The following GABBR2 variants were observed in gnomAD, a reference collection of about 807,000 sequenced individuals.
GABBR2 encodes the protein G-protein coupled receptor 51.
A neutral mutation model predicts 105.6 loss-of-function variants in GABBR2; 23 were observed. The observed-to-expected ratio is 0.22, with a 90% CI of 0.16 to 0.31. The LOEUF (loss-of-function observed/expected upper bound fraction) is 0.31, where lower values mean the gene tolerates loss of function less well. GABBR2 is among the 10% of genes least tolerant of loss of function. GABBR2 has a pLI of 1.00. For synonymous variants in GABBR2, 478 were observed against 499.7 expected, an observed-to-expected ratio of 0.96 and a Z score of 0.58; for missense variants, 734 against 1,245.5, an observed-to-expected ratio of 0.59 and a Z score of 6.18.
At chr9:98,408,886 C>T (rs1312656759) in intron 7 of GABBR2, among the ~76,000 whole-genome samples, 1 of 152,212 alleles carries the variant, frequency 6.6e-6, no homozygotes, top group Non-Finnish European at 1.5e-5. Flanking sequence ...CTTCTGGGTT[C>T]AGGCGACCCT....
intron 1 of GABBR2, among the ~76,000 whole-genome samples, chr9:98,704,878 G>A (rs1830874402): frequency 6.6e-6 from 1 of 151,404 alleles, no homozygotes. Context: ...GAGCCCAGGA[G>A]TTCAAGGCTG....
intron 9 of GABBR2, among the ~76,000 whole-genome samples, chr9:98,391,351 G>A: frequency 6.6e-6 from 1 of 152,158 alleles, no homozygotes; most frequent in East Asian, 1.9e-4. Context: ...AGGGGACAAT[G>A]GTTTTCTAGG....
intron 7 of GABBR2, among the ~76,000 whole-genome samples, chr9:98,451,929 C>T (rs1826238208): frequency 6.6e-6 from 1 of 152,184 alleles, no homozygotes; most frequent in African/African-American, 2.4e-5. Flanking sequence ...TCAAATGCCA[C>T]CCCTTCCAAA....
intron 7 of GABBR2, among the ~76,000 whole-genome samples, chr9:98,408,135 T>A (rs1484060797): frequency 6.6e-6 from 1 of 152,150 alleles, no homozygotes; most frequent in Non-Finnish European, 1.5e-5. Flanking sequence ...TCAAAAGATG[T>A]TAAGCACCAG....
At chr9:98,503,992 C>T (rs1273427900) in intron 3 of GABBR2, among the ~76,000 whole-genome samples, 4 of 152,140 alleles carry the variant, frequency 2.6e-5, no homozygotes, top group Non-Finnish European at 5.9e-5. Flanking sequence ...ACAGAATCAT[C>T]AAGCTTACAG....
chr9:98,586,925 G>A (rs558109415), intron 1 of GABBR2, among the ~76,000 whole-genome samples: 117 of 152,274 alleles, frequency 7.7e-4, no homozygotes, highest in African/African-American at 2.6e-3. Flanking sequence ...TTGCATACGC[G>A]CCTCCTTGCA....
At chr9:98,593,623 G>A (rs1829178278) in intron 1 of GABBR2, among the ~76,000 whole-genome samples, 1 of 152,100 alleles carries the variant, frequency 6.6e-6, no homozygotes, top group Admixed American at 6.5e-5. Context: ...GGCTGGTGAG[G>A]CACTGGCCAG....
In GABBR2 at chr9:98,289,408, T is replaced by C. The variant is rs1170938602; in HGVS notation, c.*1176A>G. On this transcript the variant is annotated 3_prime_UTR_variant, in exon 19 of 19. Coordinates refer to ENST00000259455, the MANE Select transcript of GABBR2 (RefSeq NM_005458.8). ...GTCTGTCTGACTCCCAGGCCAGTGCTCTTAGGGGCTCAATTTAAAGGGAGG... is the reference window on the plus strand; with the variant it reads ...GTCTGTCTGACTCCCAGGCCAGTGCCCTTAGGGGCTCAATTTAAAGGGAGG... 1 of 152,558 alleles carries C rather than the reference T, an allele frequency of 6.6e-6. No homozygotes were observed. The highest frequency in any genetic ancestry group is 1.5e-5 in the Non-Finnish European group (1 of 68,096). 9.5% of individuals were successfully genotyped at this position (152,558 alleles called of 1,614,324 possible).
At chr9:98,307,446 A>G (rs1393400022) in intron 14 of GABBR2, among the ~76,000 whole-genome samples, 1 of 151,874 alleles carries the variant, frequency 6.6e-6, no homozygotes, top group African/African-American at 2.4e-5. Flanking sequence ...CCCCTCCAAG[A>G]GGCCTTCTCT....
intron 4 of GABBR2, among the ~76,000 whole-genome samples, chr9:98,485,525 C>T (rs900695257): frequency 6.6e-5 from 10 of 151,986 alleles, no homozygotes; most frequent in Admixed American, 1.3e-4. Flanking sequence ...CACACAGGCA[C>T]GCACACACAC....
intron 8 of GABBR2, among the ~76,000 whole-genome samples, chr9:98,396,181 G>A (rs1199439189): frequency 1.3e-5 from 2 of 152,200 alleles, no homozygotes; most frequent in African/African-American, 2.4e-5. Flanking sequence ...CCTGTGCCTC[G>A]TGAATGTGGG....
At chr9:98,708,396 C>A in intron 1 of GABBR2, 21 bp downstream of exon 1, 1 of 1,371,276 alleles carries the variant, frequency 7.3e-7, no homozygotes. Flanking sequence ...GCCCCGACGG[C>A]AGGGGCAGCC....
intron 1 of GABBR2, among the ~76,000 whole-genome samples, chr9:98,589,866 C>T (rs1003551459): frequency 6.6e-6 from 1 of 151,978 alleles, no homozygotes; most frequent in African/African-American, 2.4e-5. Flanking sequence ...AGGTGCACAC[C>T]ACCACCACCA....
chr9:98,385,696 G>A lies in GABBR2; in HGVS notation c.1606C>T (p.Leu536Phe). The A allele has an allele frequency of 6.2e-7, 1 of 1,611,300 alleles. No individual in the cohort carries two copies. The highest frequency in any genetic ancestry group is 8.5e-7 in the Non-Finnish European group (1 of 1,177,410). Residue 536 changes from leucine to phenylalanine, a missense_variant, in exon 11 of 19, where the codon CTC (leucine) becomes TTC (phenylalanine). Physicochemically the swap from Leu to Phe is conservative, Grantham distance 22. Coordinates refer to ENST00000259455, the MANE Select transcript of GABBR2 (RefSeq NM_005458.8). ...GGMLSYASIF[L>F]FGLDGSFVSE... ...ACAAAGGATCCATCAAGGCCAAAGA[G>A]AAATATGGAAGCATAGGAGAGCATC... is the stretch of plus-strand genomic sequence containing the variant.
At chr9:98,408,999 G>C (rs1367683950) in intron 7 of GABBR2, among the ~76,000 whole-genome samples, 1 of 152,170 alleles carries the variant, frequency 6.6e-6, no homozygotes, top group Non-Finnish European at 1.5e-5. Flanking sequence ...CGCTCAAGAC[G>C]TTATAAGAAA....
At chr9:98,696,766 C>G (rs1185320385) in intron 1 of GABBR2, among the ~76,000 whole-genome samples, 2 of 152,150 alleles carry the variant, frequency 1.3e-5, no homozygotes, top group African/African-American at 4.8e-5. Flanking sequence ...GTAAACACAA[C>G]CGAAGGTGAC....
chr9:98,605,668 G>A (rs757011215), intron 1 of GABBR2, among the ~76,000 whole-genome samples: 3 of 152,182 alleles, frequency 2.0e-5, no homozygotes, highest in East Asian at 1.9e-4. Context: ...TTCAAACTGC[G>A]TGACATAAGC....
chr9:98,546,910 T>C (rs1828413413), intron 2 of GABBR2, among the ~76,000 whole-genome samples: 1 of 120,808 alleles, frequency 8.3e-6, no homozygotes, highest in African/African-American at 2.7e-5. Context: ...TACTTTTTAA[T>C]AGGTACCTTG....
At chr9:98,590,684 A>G (rs1393660277) in intron 1 of GABBR2, among the ~76,000 whole-genome samples, 1 of 152,202 alleles carries the variant, frequency 6.6e-6, no homozygotes, top group Non-Finnish European at 1.5e-5. Context: ...AAGAGATACC[A>G]AACTCCAACT....
Sources: gnomAD v4.1 joint callset for allele counts (sites outside exome capture counted in the v4.1 genomes callset) on GRCh38, gnomAD v4.1.1 for gene constraint, MANE v1.5 for transcripts, NCBI Gene and HGNC (gene_info 2026-07-23, HGNC 2026-07-21) for gene names.